Variants in PDE3A observed in about 807,000 individuals in gnomAD.
The protein encoded by PDE3A is phosphodiesterase 3A.
Under a neutral mutation model 98.3 loss-of-function variants are expected in PDE3A, and 43 were observed. The ratio of observed to expected loss-of-function variants is 0.44; its 90% confidence interval spans 0.34 to 0.56. The LOEUF (loss-of-function observed/expected upper bound fraction) is 0.56. Ranked by LOEUF, PDE3A falls within the 20% of genes least tolerant of loss-of-function variation. PDE3A has a pLI of 0.01. For synonymous variants in PDE3A, 663 were observed against 567.9 expected, an observed-to-expected ratio of 1.17 and a Z score of -2.38; for missense variants, 1,427 against 1,440.7, an observed-to-expected ratio of 0.99 and a Z score of 0.15.
intron 1 of PDE3A, among the ~76,000 whole-genome samples, chr12:20,446,061 C>T (rs535385711): frequency 6.6e-6 from 1 of 152,162 alleles, no homozygotes; most frequent in African/African-American, 2.4e-5. Context: ...TACCAAATAA[C>T]TTAAAAATAG....
At chr12:20,612,721 A>AGTAATATAGTT (rs374276756) in intron 2 of PDE3A, among the ~76,000 whole-genome samples, 40 of 3,032 alleles carry the variant, frequency 0.013, no homozygotes, top group South Asian at 0.019. Context: ...ATAAGTAATA[A>AGTAATATAGTT]ACTATATGTA....
chr12:20,525,925 T>A (rs1946510138), intron 1 of PDE3A, among the ~76,000 whole-genome samples: 1 of 152,220 alleles, frequency 6.6e-6, no homozygotes. Context: ...GATTTGTGCT[T>A]TTCTTTGAGT....
chr12:20,411,816 A>G (rs962777651), intron 1 of PDE3A, among the ~76,000 whole-genome samples: 9 of 152,180 alleles, frequency 5.9e-5, no homozygotes, highest in African/African-American at 2.2e-4. Flanking sequence ...GACGTAGTCT[A>G]TCCCTTCAAT....
At chr12:20,448,566 T>A (rs1341289837) in intron 1 of PDE3A, among the ~76,000 whole-genome samples, 1 of 152,174 alleles carries the variant, frequency 6.6e-6, no homozygotes, top group Non-Finnish European at 1.5e-5. Flanking sequence ...TTAAGACATT[T>A]TAATATTATG....
chr12:20,389,928 A>G (rs1369210514), intron 1 of PDE3A, among the ~76,000 whole-genome samples: 2 of 151,866 alleles, frequency 1.3e-5, no homozygotes, highest in African/African-American at 4.8e-5. Flanking sequence ...AATATAAAGA[A>G]TGTATCTAAA....
chr12:20,678,282 T>C (rs764591118), intron 15 of PDE3A, among the ~76,000 whole-genome samples: 6 of 152,164 alleles, frequency 3.9e-5, no homozygotes, highest in Non-Finnish European at 7.3e-5. Context: ...GCCTTACTTC[T>C]CTCTTCTTCC....
At chr12:20,676,333 C>A (rs566113097) in intron 15 of PDE3A, among the ~76,000 whole-genome samples, 1 of 152,170 alleles carries the variant, frequency 6.6e-6, no homozygotes, top group African/African-American at 2.4e-5. Flanking sequence ...TAAAGGACAA[C>A]TTGGCTGGGT....
intron 1 of PDE3A, among the ~76,000 whole-genome samples, chr12:20,374,680 A>G (rs919577731): frequency 6.6e-6 from 1 of 152,088 alleles, no homozygotes; most frequent in Non-Finnish European, 1.5e-5. Context: ...ATTTTAAGCA[A>G]GTTCTCATTC....
At chr12:20,571,132 A>G (rs1293057854) in intron 2 of PDE3A, among the ~76,000 whole-genome samples, 1 of 152,174 alleles carries the variant, frequency 6.6e-6, no homozygotes, top group East Asian at 1.9e-4. Context: ...TTCTAGAGTT[A>G]GAGCTAAATT....
chr12:20,547,057 T>C (rs1228856158), intron 1 of PDE3A, among the ~76,000 whole-genome samples: 3 of 152,092 alleles, frequency 2.0e-5, no homozygotes, highest in African/African-American at 7.2e-5. Context: ...CCATTCCTGC[T>C]CCCGCCTCAG....
At chr12:20,542,712 CTA>C (rs766186766) in intron 1 of PDE3A, among the ~76,000 whole-genome samples, 41 of 152,080 alleles carry the variant, frequency 2.7e-4, no homozygotes, top group Non-Finnish European at 4.7e-4. Context: ...GCAGCTGAGG[CTA>C]TGTCTGGATT....
chr12:20,525,377 T>C (rs1353434319), intron 1 of PDE3A, among the ~76,000 whole-genome samples: 1 of 151,780 alleles, frequency 6.6e-6, no homozygotes, highest in African/African-American at 2.4e-5. Flanking sequence ...GCCAACAAGA[T>C]GGAGTTTGAG....
chr12:20,611,826 C>A (rs188873421), intron 2 of PDE3A, among the ~76,000 whole-genome samples: 145 of 151,362 alleles, frequency 9.6e-4, no homozygotes, highest in Non-Finnish European at 7.2e-4. Context: ...ATTTTCTAGA[C>A]AATAATTTAT....
At chr12:20,652,539 A>T (rs1176068670) in intron 14 of PDE3A, among the ~76,000 whole-genome samples, 1 of 152,048 alleles carries the variant, frequency 6.6e-6, no homozygotes, top group African/African-American at 2.4e-5. Flanking sequence ...GCATTTTTTC[A>T]TGTGTCTTTT....
At chr12:20,501,056 C>T (rs143570037) in intron 1 of PDE3A, among the ~76,000 whole-genome samples, 3 of 152,260 alleles carry the variant, frequency 2.0e-5, no homozygotes, top group East Asian at 1.9e-4. Flanking sequence ...GCATGAGCCC[C>T]GGCAGCTGGC....
chr12:20,580,829 G>A (rs755687778), intron 2 of PDE3A, among the ~76,000 whole-genome samples: 9 of 152,122 alleles, frequency 5.9e-5, no homozygotes, highest in African/African-American at 1.2e-4. Flanking sequence ...TAACAAACAC[G>A]CAAATATGCA....
At position 20,681,106 on chromosome 12, in the gene PDE3A, G is replaced by A. The variant is rs1463466444; in HGVS notation, c.*835G>A. Reference sequence around the variant, plus strand: ...GCTGATGGAGGGCACTCAAGGGCTGGGTGAGAGGGCCACGTGTTTGGTATT... The same window carrying A: ...GCTGATGGAGGGCACTCAAGGGCTGAGTGAGAGGGCCACGTGTTTGGTATT... On this transcript the variant is annotated 3_prime_UTR_variant, in exon 16 of 16. Transcript: ENST00000359062. The A allele has an allele frequency of 6.6e-6, 1 of 152,044 alleles. No individual in the cohort carries two copies. Among genetic ancestry groups the A allele is most frequent in the African/African-American group, 2.4e-5 (1 of 41,374 alleles). 9.4% of individuals were successfully genotyped at this position (152,044 alleles called of 1,614,324 possible).
At chr12:20,474,513 T>TTTCTGTTTC (rs1945495196) in intron 1 of PDE3A, among the ~76,000 whole-genome samples, 1 of 152,220 alleles carries the variant, frequency 6.6e-6, no homozygotes, top group Non-Finnish European at 1.5e-5. Flanking sequence ...ATTTATTCTC[T>TTTCTGTTTC]TTCAGTTCTG....
intron 1 of PDE3A, among the ~76,000 whole-genome samples, chr12:20,460,157 A>G (rs563387039): frequency 2.1e-4 from 32 of 152,304 alleles, no homozygotes; most frequent in African/African-American, 7.5e-4. Context: ...TCTCTAATCA[A>G]TGCCTCCCAC....
Sources: gnomAD v4.1 joint callset for allele counts (sites outside exome capture counted in the v4.1 genomes callset) on GRCh38, gnomAD v4.1.1 for gene constraint, MANE v1.5 for transcripts, NCBI Gene and HGNC (gene_info 2026-07-23, HGNC 2026-07-21) for gene names.